Variants in NFKB1 observed in about 807,000 individuals in gnomAD.
NFKB1 encodes nuclear factor kappa B subunit 1.
Under a neutral mutation model 105.1 loss-of-function variants are expected in NFKB1, and 9 were observed. The ratio of observed to expected loss-of-function variants is 0.09; its 90% CI spans 0.05 to 0.15. The LOEUF is 0.15. NFKB1 is among the 10% of genes least tolerant of loss of function. The pLI, the probability that NFKB1 is intolerant of heterozygous loss-of-function variation, is 1.00. For missense variants in NFKB1, 830 were observed against 1,203.7 expected, an observed-to-expected ratio of 0.69 and a Z score of 4.59; for synonymous variants, 440 against 442.2, an observed-to-expected ratio of 1.00 and a Z score of 0.06.
intron 9 of NFKB1, among the ~76,000 whole-genome samples, chr4:102,582,080 A>T (rs1725359817): frequency 6.6e-6 from 1 of 152,236 alleles, no homozygotes; most frequent in Non-Finnish European, 1.5e-5. Context: ...TAGAGTATTT[A>T]TAAACATGCT....
intron 7 of NFKB1, chr4:102,577,662 A>C (rs904396090): frequency 5.0e-6 from 1 of 199,120 alleles, no homozygotes; most frequent in Non-Finnish European, 9.0e-6. Flanking sequence ...TCTGATACTC[A>C]TGTGATTCAA....
rs1393451792 is a variant in NFKB1, at chr4:102,606,649, C to T, written c.1906C>T (p.Leu636Phe). ...EGHDKVLSILLKHKKAALLLD... is the reference protein window; with the variant it reads ...EGHDKVLSILFKHKKAALLLD... ...ACATGATAAAGTTCTCAGTATCTTACTCAAGCACAAAAAGGCAGCACTACT... is the reference window on the plus strand; with the variant it reads ...ACATGATAAAGTTCTCAGTATCTTATTCAAGCACAAAAAGGCAGCACTACT... The change falls in exon 17 of 24, where the codon CTC becomes TTC. Residue 636 changes from leucine to phenylalanine, a missense_variant. This residue lies in a region of NFKB1 where 418 missense variants were observed against 575.3 expected (regional missense o/e 0.73). Coordinates refer to ENST00000226574, the MANE Select transcript of NFKB1 (RefSeq NM_003998.4). 15 of 1,614,170 alleles carry T rather than the reference C, an allele frequency of 9.3e-6. No homozygotes were observed. The highest frequency in any genetic ancestry group is 1.3e-5 in the African/African-American group (1 of 75,044).
chr4:102,576,153 T>G (rs1191879039), intron 6 of NFKB1, among the ~76,000 whole-genome samples: 2 of 152,224 alleles, frequency 1.3e-5, no homozygotes, highest in African/African-American at 4.8e-5. Flanking sequence ...CTTCGTGAGA[T>G]AAAAGATTCT....
intron 16 of NFKB1, among the ~76,000 whole-genome samples, chr4:102,602,303 G>T (rs1727224667): frequency 6.6e-6 from 1 of 151,864 alleles, no homozygotes. Context: ...GGCCGAGGCA[G>T]GCGGATCATG....
chr4:102,576,296 A>G (rs751270517), intron 6 of NFKB1, among the ~76,000 whole-genome samples: 1 of 152,222 alleles, frequency 6.6e-6, no homozygotes, highest in Admixed American at 6.5e-5. Context: ...AGGACAATTC[A>G]AAAGGAAAAT....
intron 3 of NFKB1, among the ~76,000 whole-genome samples, chr4:102,530,574 C>T (rs557002453): frequency 5.9e-5 from 9 of 152,138 alleles, no homozygotes; most frequent in Non-Finnish European, 8.8e-5. Flanking sequence ...TCACCCGTCA[C>T]CAGTGGGACT....
chr4:102,548,797 T>C (rs1383926331), intron 5 of NFKB1, among the ~76,000 whole-genome samples: 2 of 152,184 alleles, frequency 1.3e-5, no homozygotes, highest in Non-Finnish European at 1.5e-5. Flanking sequence ...ACATGAATAC[T>C]GTCTTCTCTC....
Position 102,547,715 on chromosome 4 carries a change from T to A in NFKB1, c.258+9759T>A, listed in dbSNP as rs191296967. On this transcript the variant is annotated intron_variant, in intron 5 of 23. Transcript: ENST00000226574. ...AATATTGAGTGGCAGCTTTGCTGGTTCATTTATGGATTCATGGAGCTACAC... is the reference window on the plus strand; with the variant it reads ...AATATTGAGTGGCAGCTTTGCTGGTACATTTATGGATTCATGGAGCTACAC... Among the ~76,000 whole-genome samples the A allele has an allele frequency of 2.9e-4, 44 of 152,290 alleles. 1 individual carries two copies. The East Asian group carries it at 8.1e-3, about 28-fold the overall frequency.
At chr4:102,574,934 G>C (rs1052689096) in intron 6 of NFKB1, among the ~76,000 whole-genome samples, 2 of 152,206 alleles carry the variant, frequency 1.3e-5, no homozygotes, top group Non-Finnish European at 2.9e-5. Context: ...TGACAGTAAA[G>C]TGTAAGATGC....
At chr4:102,572,536 C>G (rs770375211) in intron 6 of NFKB1, among the ~76,000 whole-genome samples, 2 of 152,180 alleles carry the variant, frequency 1.3e-5, no homozygotes, top group South Asian at 4.1e-4. Context: ...CACCACACTG[C>G]TTCCACAGTG....
intron 11 of NFKB1, among the ~76,000 whole-genome samples, chr4:102,592,635 T>G (rs1215686349): frequency 6.6e-6 from 1 of 152,238 alleles, no homozygotes; most frequent in Admixed American, 6.5e-5. Flanking sequence ...AATTTTTTTG[T>G]GTACTGGGAA....
intron 6 of NFKB1, among the ~76,000 whole-genome samples, chr4:102,574,014 G>A (rs1291393161): frequency 1.4e-5 from 2 of 143,880 alleles, no homozygotes; most frequent in Admixed American, 6.8e-5. Flanking sequence ...ATCTATTTTT[G>A]TTTAGTTTTT....
rs193127101 is a variant in NFKB1 at position 102,514,876 on chromosome 4, T to C, written c.-7-10636T>C. Among the ~76,000 whole-genome samples the C allele has an allele frequency of 2.7e-3, 414 of 152,268 alleles. 1 individual carries two copies. The highest frequency in any genetic ancestry group is 9.2e-3 in the African/African-American group (383 of 41,544). On this transcript the variant is annotated intron_variant, in intron 1 of 23. Transcript: ENST00000226574. Reference sequence around the variant, plus strand: ...CCTGGTAATGTTTATTCTCTTGAAGTCTACTTTATCTGATATTTTAGAATG... The same window carrying C: ...CCTGGTAATGTTTATTCTCTTGAAGCCTACTTTATCTGATATTTTAGAATG...
intron 5 of NFKB1, among the ~76,000 whole-genome samples, chr4:102,541,285 A>G (rs1741982062): frequency 1.3e-5 from 2 of 151,982 alleles, no homozygotes; most frequent in Non-Finnish European, 2.9e-5. Context: ...ACCCATTTGC[A>G]TACTTTTCTA....
chr4:102,597,530 T>C lies in NFKB1; in HGVS notation c.1506T>C (p.Phe502=). 6.2e-7 allele frequency: 1 copy of C among 1,611,348 alleles called. No homozygotes were observed. The change falls in exon 15 of 24, where the codon TTT becomes TTC. Residue 502 remains phenylalanine, a synonymous_variant. Coordinates refer to ENST00000226574, the MANE Select transcript of NFKB1 (RefSeq NM_003998.4). ...GTCATTGCCTTACAGATAACCTCTT[T>C]CTAGAGAAGGCTATGCAGCTTGCAA... is the stretch of plus-strand genomic sequence containing the variant. ...EESAGVQDNL[F]LEKAMQLAKR...
chr4:102,575,801 C>G (rs1456920976), intron 6 of NFKB1, among the ~76,000 whole-genome samples: 1 of 152,176 alleles, frequency 6.6e-6, no homozygotes, highest in Non-Finnish European at 1.5e-5. Flanking sequence ...CTGGATAACA[C>G]TTATTGCCTT....
At chr4:102,593,199 AT>A (rs1437437307) in intron 11 of NFKB1, 7 of 331,354 alleles carry the variant, frequency 2.1e-5, no homozygotes, top group Non-Finnish European at 3.3e-5. Context: ...TGTAGAGTGG[AT>A]TTGGGTGTGT....
At chr4:102,582,482 A>G (rs1359864890) in intron 9 of NFKB1, among the ~76,000 whole-genome samples, 3 of 152,224 alleles carry the variant, frequency 2.0e-5, no homozygotes, top group African/African-American at 4.8e-5. Flanking sequence ...TAAAACTTAT[A>G]TAAGTTAATT....
chr4:102,579,733 A>G (rs557648135), intron 8 of NFKB1, among the ~76,000 whole-genome samples: 21 of 151,376 alleles, frequency 1.4e-4, no homozygotes, highest in African/African-American at 5.1e-4. Context: ...AGCATTTACC[A>G]TGCAACTTTC....
Sources: gnomAD v4.1 joint callset for allele counts (sites outside exome capture counted in the v4.1 genomes callset) on GRCh38, gnomAD v4.1.1 for gene constraint, gnomAD v4.1.1 regional missense constraint, MANE v1.5 for transcripts, NCBI Gene and HGNC (gene_info 2026-07-23, HGNC 2026-07-21) for gene names.